The following DCUN1D2 variants were observed in gnomAD, a reference collection of about 807,000 sequenced individuals.
DCUN1D2 encodes the protein DCN1-like protein 2.
Under a neutral mutation model 30.9 loss-of-function variants are expected in DCUN1D2, and 29 were observed. The observed-to-expected ratio is 0.94, with a 90% CI of 0.70 to 1.28. The LOEUF (loss-of-function observed/expected upper bound fraction) is 1.28, where lower values mean the gene tolerates loss of function less well. DCUN1D2 is among the 50% of genes most tolerant of loss of function. The pLI, the probability that DCUN1D2 is intolerant of heterozygous loss-of-function variation, is 0.00. For missense variants in DCUN1D2, 325 were observed against 316.9 expected (o/e 1.03, Z -0.19); for synonymous variants, 121 against 115.3 (o/e 1.05, Z -0.32).
chr13:113,477,071 C>A lies in DCUN1D2; in HGVS notation c.390-2817G>T, dbSNP rs552951381. 2.6e-5 allele frequency among the ~76,000 whole-genome samples: 4 copies of A among 152,322 alleles called. No individual in the cohort carries two copies. The East Asian group carries it at 7.7e-4, about 29-fold the overall frequency. ...CTGTAGCTTTAAAAGTTCCAATTAT[C>A]TGGTACAGCAAATCTTCCCATCTTG... On this transcript the variant is annotated intron_variant, in intron 3 of 6. Coordinates refer to ENST00000478244, the MANE Select transcript of DCUN1D2 (RefSeq NM_001014283.2).
chr13:113,489,473 G>A (rs1435925465), intron 1 of DCUN1D2, among the ~76,000 whole-genome samples: 1 of 152,168 alleles, frequency 6.6e-6, no homozygotes, highest in Non-Finnish European at 1.5e-5. Flanking sequence ...CACTGCTGAT[G>A]GCTCCCTCCT....
At chr13:113,475,098 G>C (rs2044591471) in intron 3 of DCUN1D2, among the ~76,000 whole-genome samples, 2 of 152,158 alleles carry the variant, frequency 1.3e-5, no homozygotes, top group African/African-American at 4.8e-5. Context: ...TAGACGTAAG[G>C]AAAGAACATT....
intron 3 of DCUN1D2, 64 bp from the exon 4 acceptor site, chr13:113,474,318 C>A: frequency 6.3e-7 from 1 of 1,587,678 alleles, no homozygotes; most frequent in Non-Finnish European, 8.6e-7. Context: ...TCCCCTTGTG[C>A]CCTGTGCAGG....
chr13:113,458,249 A>G, intron 6 of DCUN1D2, 141 bp from the exon 7 acceptor site: 1 of 771,334 alleles, frequency 1.3e-6, no homozygotes, highest in Non-Finnish European at 2.2e-6. Flanking sequence ...CACAGAATGA[A>G]CCAGCCCAAG....
chr13:113,464,337 C>G (rs1008794589), intron 4 of DCUN1D2, among the ~76,000 whole-genome samples: 11 of 152,230 alleles, frequency 7.2e-5, no homozygotes, highest in African/African-American at 2.7e-4. Flanking sequence ...ATGGCCTGTT[C>G]TGCCACTGAA....
At chr13:113,477,707 T>G (rs1594117023) in intron 3 of DCUN1D2, among the ~76,000 whole-genome samples, 3 of 152,130 alleles carry the variant, frequency 2.0e-5, no homozygotes, top group African/African-American at 7.2e-5. Flanking sequence ...TATGAGTTTT[T>G]TTTTTTTTTT....
At chr13:113,479,724 A>G (rs894971772) in intron 3 of DCUN1D2, among the ~76,000 whole-genome samples, 7 of 152,146 alleles carry the variant, frequency 4.6e-5, no homozygotes, top group Non-Finnish European at 1.0e-4. Flanking sequence ...CTCCATCTCA[A>G]AAAACAAACA....
At chr13:113,474,344 C>G (rs898799674) in intron 3 of DCUN1D2, 90 bp from the exon 4 acceptor site, 1 of 1,517,562 alleles carries the variant, frequency 6.6e-7, no homozygotes, top group Non-Finnish European at 8.9e-7. Context: ...TGACCAGGCA[C>G]GCAGCTCCAG....
chr13:113,461,736 G>A (rs969732332), intron 4 of DCUN1D2, among the ~76,000 whole-genome samples: 3 of 152,252 alleles, frequency 2.0e-5, no homozygotes, highest in Non-Finnish European at 2.9e-5. Flanking sequence ...CAAAGCCAAC[G>A]CCCTCTTTTC....
At chr13:113,481,908 C>T (rs2139735491) in intron 2 of DCUN1D2, among the ~76,000 whole-genome samples, 1 of 150,414 alleles carries the variant, frequency 6.6e-6, no homozygotes, top group Admixed American at 6.6e-5. Flanking sequence ...ATGAAGAAAG[C>T]CATAAACATC....
chr13:113,489,176 AGAGGGAG>A lies in DCUN1D2; in HGVS notation c.3+1484_3+1490del, dbSNP rs1257892658. 99 of 984,832 alleles carry A rather than the reference AGAGGGAG, an allele frequency of 1.0e-4. No homozygotes were observed. In the South Asian group the frequency reaches 2.6e-3, roughly 26 times the overall value. The allele number at this position is 984,832 out of a possible 1,614,324, so 61.0% of individuals were successfully genotyped here. ...ACTCTGTTTCGGTATACAGCACGCT[AGAGGGAG>A]GGGGAGTTAAATTCATCCCTGCTCT... On this transcript the variant is annotated intron_variant, in intron 1 of 6. Coordinates refer to ENST00000478244, the MANE Select transcript of DCUN1D2 (RefSeq NM_001014283.2).
chr13:113,480,851 G>A (rs911313348), intron 2 of DCUN1D2, 108 bp from the exon 3 acceptor site: 37 of 1,172,636 alleles, frequency 3.2e-5, no homozygotes, highest in African/African-American at 3.0e-4. Flanking sequence ...TCTAGCAAGC[G>A]TGTTTCCAAT....
intron 1 of DCUN1D2, chr13:113,489,252 T>C (rs1193118239): frequency 1.3e-5 from 8 of 604,996 alleles, no homozygotes; most frequent in Non-Finnish European, 1.7e-5. Context: ...CTCTCCAGCA[T>C]CCTGAACATG....
intron 3 of DCUN1D2, among the ~76,000 whole-genome samples, chr13:113,476,509 G>A (rs2044620297): frequency 1.3e-5 from 2 of 152,064 alleles, no homozygotes; most frequent in Admixed American, 6.6e-5. Context: ...GTTTTTCAAT[G>A]TCTTTTTCTT....
intron 1 of DCUN1D2, among the ~76,000 whole-genome samples, chr13:113,485,044 C>G (rs1266355474): frequency 1.3e-5 from 2 of 151,762 alleles, no homozygotes; most frequent in African/African-American, 4.9e-5. Flanking sequence ...TGCCACTGCA[C>G]TCCAGCCTGG....
Position 113,467,729 on chromosome 13 carries a change from T to C in DCUN1D2, c.520+6395A>G, listed in dbSNP as rs1014670212. 5.9e-5 allele frequency among the ~76,000 whole-genome samples: 9 copies of C among 152,238 alleles called. No homozygotes were observed. In the East Asian group the frequency reaches 1.4e-3, roughly 23 times the overall value. ...ATTACCATACATTCCAGTAATTCCATTTCTGGATATATACCCAAAAGAATT... is the reference window on the plus strand; with the variant it reads ...ATTACCATACATTCCAGTAATTCCACTTCTGGATATATACCCAAAAGAATT... On this transcript the variant is annotated intron_variant, in intron 4 of 6. Transcript: ENST00000478244.
chr13:113,459,154 A>T (rs908496823), intron 6 of DCUN1D2, among the ~76,000 whole-genome samples, 158 bp downstream of exon 6: 1 of 151,994 alleles, frequency 6.6e-6, no homozygotes, highest in East Asian at 1.9e-4. Flanking sequence ...ATAAAACCCT[A>T]TTTTTCTTTT....
chr13:113,475,018 C>CA (rs1369993341), intron 3 of DCUN1D2, among the ~76,000 whole-genome samples: 2 of 152,024 alleles, frequency 1.3e-5, no homozygotes, highest in African/African-American at 4.8e-5. Flanking sequence ...AACAGTAAAA[C>CA]AAAGTCTATC....
At chr13:113,465,055 T>C (rs1324628123) in intron 4 of DCUN1D2, among the ~76,000 whole-genome samples, 3 of 152,248 alleles carry the variant, frequency 2.0e-5, no homozygotes, top group African/African-American at 7.2e-5. Context: ...GCTAATCTTT[T>C]AAACATTTTT....
Sources: gnomAD v4.1 joint callset for allele counts (sites outside exome capture counted in the v4.1 genomes callset) on GRCh38, gnomAD v4.1.1 for gene constraint, MANE v1.5 for transcripts, NCBI Gene and HGNC (gene_info 2026-07-23, HGNC 2026-07-21) for gene names.